Variants in TMC3 observed in about 807,000 individuals in gnomAD.
TMC3 encodes the protein transmembrane channel like 3, also known as transmembrane channel-like protein 3.
In TMC3, 98 loss-of-function variants were observed where a neutral mutation model predicts 110.6. The ratio of observed to expected loss-of-function variants is 0.89; its 90% CI spans 0.75 to 1.05. TMC3 has a LOEUF of 1.05. Among genes scored for constraint, TMC3 ranks in the 50% least tolerant of loss-of-function variants. TMC3 has a pLI of 0.00. For synonymous variants in TMC3, 489 were observed against 513.1 expected (o/e 0.95, Z 0.63); for missense variants, 1,319 against 1,373.2 (o/e 0.96, Z 0.62).
At position 81,341,650 on chromosome 15, in the gene TMC3, C is replaced by T. The variant is rs1176060981; in HGVS notation, c.1716-132G>A. ...CCCTAAGCTTAAAGGACTGGAAAAGCCCCTGAAGTCCCGAGACCACAACCC... is the reference window on the plus strand; with the variant it reads ...CCCTAAGCTTAAAGGACTGGAAAAGTCCCTGAAGTCCCGAGACCACAACCC... On this transcript the variant is annotated intron_variant, in intron 15 of 21. Transcript: ENST00000359440. 3 of 927,600 alleles carry T rather than the reference C, an allele frequency of 3.2e-6. No individual in the cohort carries two copies. In the African/African-American group the frequency reaches 5.0e-5, roughly 16 times the overall value. 57.5% of individuals were successfully genotyped at this position (927,600 alleles called of 1,614,324 possible).
rs781696055 is a variant in TMC3 at position 81,374,053 on chromosome 15, G to T, written c.25C>A (p.Arg9Ser). Residue 9 changes from arginine (R) to serine (S), a missense_variant, in exon 1 of 22, where the codon CGC (arginine) becomes AGC (serine). Coordinates refer to ENST00000359440, the MANE Select transcript of TMC3 (RefSeq NM_001080532.3). MKTSKASQ[R>S]YRGIRRNASQ... ...GCATTTCTCCGGATGCCTCTATAGC[G>T]CTGGGATGCCTTCGAGGTTTTCATG... The T allele has an allele frequency of 3.7e-6, 6 of 1,613,638 alleles. No homozygotes were observed. In the African/African-American group the frequency reaches 5.3e-5, roughly 14 times the overall value.
intron 20 of TMC3, 140 bp downstream of exon 20, chr15:81,336,469 G>A: frequency 1.3e-6 from 1 of 744,724 alleles, no homozygotes; most frequent in South Asian, 1.5e-5. Flanking sequence ...TCAGGAGGCT[G>A]AGGCAGGAGA....
chr15:81,332,589 A>G lies in TMC3; in HGVS notation c.3133T>C (p.Ser1045Pro). 4.3e-6 allele frequency: 7 copies of G among 1,613,954 alleles called. No individual in the cohort carries two copies. The highest frequency in any genetic ancestry group is 5.1e-6 in the Non-Finnish European group (6 of 1,179,874). ...EPSLTESDSV[S>P]AASSSDQQNS... ...TGCTGGTCACTGCTGGATGCTGCCGACACGGAGTCAGATTCCGTGAGGGAT... is the reference window on the plus strand; with the variant it reads ...TGCTGGTCACTGCTGGATGCTGCCGGCACGGAGTCAGATTCCGTGAGGGAT... The change falls in exon 22 of 22, where the codon TCG (serine) becomes CCG (proline). Residue 1045 changes from serine (S) to proline (P), a missense_variant. Transcript: ENST00000359440.
At chr15:81,351,667 G>T (rs1893952996) in intron 10 of TMC3, 27 bp downstream of exon 10, 1 of 1,551,584 alleles carries the variant, frequency 6.4e-7, no homozygotes, top group East Asian at 2.4e-5. Flanking sequence ...TCTTTTCTAG[G>T]GTGCTGCAGG....
In TMC3 at chr15:81,351,835, C is replaced by A; in HGVS notation, c.942G>T (p.Val314=). 2 of 1,612,194 alleles carry A rather than the reference C, an allele frequency of 1.2e-6. No homozygotes were observed. The highest frequency in any genetic ancestry group is 2.2e-5 in the South Asian group (2 of 90,424). Residue 314 remains valine, a synonymous_variant, in exon 10 of 22, where the codon GTG becomes GTT. Coordinates refer to ENST00000359440, the MANE Select transcript of TMC3 (RefSeq NM_001080532.3). The part of the protein sequence containing the change: ...QEKKKSKNLA[V]TICLRIIANI... ...TGGCAATAATCCTCAGGCAGATGGT[C>A]ACTGCCCTGGGGAGAGAAACAGGCA...
rs1893558620 is a variant in TMC3 at position 81,334,907 on chromosome 15, A to G, written c.2272T>C (p.Ser758Pro). 1.9e-6 allele frequency: 3 copies of G among 1,613,882 alleles called. No homozygotes were observed. Among genetic ancestry groups the G allele is most frequent in the Admixed American group, 1.7e-5 (1 of 60,008 alleles). The change falls in exon 21 of 22, where the codon TCC (serine) becomes CCC (proline). Residue 758 changes from serine to proline, a missense_variant. Coordinates refer to ENST00000359440, the MANE Select transcript of TMC3 (RefSeq NM_001080532.3). ...TGGGGTGTGCCCGAGTGCGCTGAGGACAGCTGGCTGGTAAGATCACTGTCG... is the reference window on the plus strand; with the variant it reads ...TGGGGTGTGCCCGAGTGCGCTGAGGGCAGCTGGCTGGTAAGATCACTGTCG... ...PNDSDLTSQL[S>P]SAHSGTPQNN... is the part of the protein sequence containing the mutation.
chr15:81,341,137 T>C (rs1302767758), intron 16 of TMC3, among the ~76,000 whole-genome samples: 1 of 152,244 alleles, frequency 6.6e-6, no homozygotes, highest in East Asian at 1.9e-4. Context: ...ATTTGTGTAC[T>C]TTTTTTCTAA....
intron 19 of TMC3, 80 bp downstream of exon 19, chr15:81,337,766 C>T: frequency 8.1e-7 from 1 of 1,240,326 alleles, no homozygotes. Flanking sequence ...GATGTGACTT[C>T]ACTTGTATTC....
chr15:81,365,443 C>T (rs910834985), intron 3 of TMC3, among the ~76,000 whole-genome samples: 6 of 152,114 alleles, frequency 3.9e-5, no homozygotes, highest in Admixed American at 1.3e-4. Flanking sequence ...GAGGCTGAAG[C>T]GGGCAGATCA....
chr15:81,346,475 G>C lies in TMC3; in HGVS notation c.1194-32C>G, dbSNP rs757229673. 3.1e-6 allele frequency: 5 copies of C among 1,605,680 alleles called. No homozygotes were observed. The African/African-American group carries it at 6.7e-5, about 21-fold the overall frequency. On this transcript the variant is annotated intron_variant, in intron 11 of 21. Transcript: ENST00000359440. Reference sequence around the variant, plus strand: ...GCCACAAGCCCACCTTGAGAAACAAGACCATGGCATAGAAGTCCGTGGTTC... The same window carrying C: ...GCCACAAGCCCACCTTGAGAAACAACACCATGGCATAGAAGTCCGTGGTTC...
chr15:81,343,495 A>G (rs1893756582), intron 14 of TMC3, 150 bp from the exon 15 acceptor site: 2 of 625,596 alleles, frequency 3.2e-6, no homozygotes, highest in South Asian at 3.9e-5. Flanking sequence ...GGTAAATGTT[A>G]AGAAAGGGGT....
In TMC3 at chr15:81,331,829, C is replaced by T. The variant is rs1056501090; in HGVS notation, c.*590G>A. The T allele has an allele frequency of 3.3e-5, 5 of 152,452 alleles. No individual in the cohort carries two copies. The highest frequency in any genetic ancestry group is 1.3e-4 in the Admixed American group (2 of 15,298). The allele number at this position is 152,452 out of a possible 1,614,324, so 9.4% of individuals were successfully genotyped here. On this transcript the variant is annotated 3_prime_UTR_variant, in exon 22 of 22. Transcript: ENST00000359440. ...AGCGCGTGCACAACTCCAGTAAACA[C>T]ACTGCGCATGCTCCCCTCCCCAGCG... is the stretch of plus-strand genomic sequence containing the variant.
At chr15:81,356,656 C>T in intron 7 of TMC3, 62 bp from the exon 8 acceptor site, 1 of 1,527,012 alleles carries the variant, frequency 6.5e-7, no homozygotes, top group Non-Finnish European at 8.8e-7. Flanking sequence ...GTAGCTAGCA[C>T]CCATGGAGCC....
intron 16 of TMC3, 142 bp from the exon 17 acceptor site, chr15:81,339,646 G>A: frequency 1.5e-6 from 1 of 666,134 alleles, no homozygotes; most frequent in South Asian, 1.8e-5. Context: ...ACCTACAAAT[G>A]GATCTGTCAT....
At chr15:81,354,961 T>A (rs539324130) in intron 9 of TMC3, among the ~76,000 whole-genome samples, 3 of 152,210 alleles carry the variant, frequency 2.0e-5, no homozygotes, top group African/African-American at 7.2e-5. Context: ...TTCAGGTTCA[T>A]GAAGTTCAGG....
Position 81,348,071 on chromosome 15 carries a change from C to G in TMC3, c.1193+1387G>C, listed in dbSNP as rs537889329. Among the ~76,000 whole-genome samples the G allele has an allele frequency of 1.3e-4, 20 of 152,348 alleles. No individual in the cohort carries two copies. The South Asian group carries it at 2.7e-3, about 21-fold the overall frequency. On this transcript the variant is annotated intron_variant, in intron 11 of 21. Transcript: ENST00000359440. ...TTTTGTCAGTAAAGTTGTATTGGAACACGACCACACCTGTTCATCGCCGTA... is the reference window on the plus strand; with the variant it reads ...TTTTGTCAGTAAAGTTGTATTGGAAGACGACCACACCTGTTCATCGCCGTA...
chr15:81,341,566 T>C, intron 15 of TMC3, 48 bp from the exon 16 acceptor site: 1 of 1,580,596 alleles, frequency 6.3e-7, no homozygotes, highest in Non-Finnish European at 8.6e-7. Flanking sequence ...TTTCAGCCTA[T>C]CTCCCAGGAC....
rs749494096 is a variant in TMC3 at position 81,333,131 on chromosome 15, T to C, written c.2591A>G (p.Asn864Ser). ...PLFRKDFQQI[N>S]PPHRGPQAST... Reference sequence around the variant, plus strand: ...GGCCTGTGGTCCACGGTGAGGAGGGTTGATTTGCTGAAAGTCTTTTCGGAA... The same window carrying C: ...GGCCTGTGGTCCACGGTGAGGAGGGCTGATTTGCTGAAAGTCTTTTCGGAA... Residue 864 changes from asparagine to serine, a missense_variant, in exon 22 of 22, where the codon AAC becomes AGC. Coordinates refer to ENST00000359440, the MANE Select transcript of TMC3 (RefSeq NM_001080532.3). The C allele has an allele frequency of 1.5e-5, 24 of 1,613,788 alleles. 1 individual carries two copies. The South Asian group carries it at 1.9e-4, about 13-fold the overall frequency.
chr15:81,368,463 T>G, intron 2 of TMC3, 135 bp from the exon 3 acceptor site: 1 of 622,748 alleles, frequency 1.6e-6, no homozygotes, highest in East Asian at 3.0e-5. Flanking sequence ...CATGAGAGAA[T>G]GGAGTTACAC....
Sources: allele counts gnomAD v4.1 joint callset (sites outside exome capture counted in the v4.1 genomes callset), GRCh38; gene constraint gnomAD v4.1.1; transcripts MANE v1.5; gene names NCBI Gene and HGNC (gene_info 2026-07-23, HGNC 2026-07-21).